EIF4EBP1: variants seen among roughly 807,000 people sequenced by gnomAD.
The protein encoded by EIF4EBP1 is eukaryotic translation initiation factor 4E-binding protein 1.
A neutral mutation model predicts 9.2 loss-of-function variants in EIF4EBP1; 5 were observed. That is an observed-to-expected ratio of 0.54 (90% CI 0.28 to 1.14). The LOEUF is 1.14. Ranked by LOEUF, EIF4EBP1 falls within the 50% of genes most tolerant of loss-of-function variation. The pLI is 0.09. For synonymous variants in EIF4EBP1, 62 were observed against 67.0 expected, an observed-to-expected ratio of 0.93 and a Z score of 0.36; for missense variants, 139 against 169.6, an observed-to-expected ratio of 0.82 and a Z score of 1.00.
At chr8:38,054,880 A>G (rs1394291727) in intron 1 of EIF4EBP1, among the ~76,000 whole-genome samples, 2 of 152,112 alleles carry the variant, frequency 1.3e-5, no homozygotes, top group African/African-American at 4.8e-5. Context: ...AGATGAGGAG[A>G]TGGAGGCCCA....
intron 1 of EIF4EBP1, among the ~76,000 whole-genome samples, chr8:38,056,585 G>A (rs1809597892): frequency 6.6e-6 from 1 of 151,840 alleles, no homozygotes; most frequent in Admixed American, 6.6e-5. Flanking sequence ...CATTCCATGT[G>A]AAGGGGAGTT....
chr8:38,037,380 G>C (rs139013001), intron 1 of EIF4EBP1, among the ~76,000 whole-genome samples: 2 of 152,028 alleles, frequency 1.3e-5, no homozygotes, highest in Middle Eastern at 3.2e-3. Flanking sequence ...GCAGTGGCAT[G>C]ATCTCAGCTC....
intron 1 of EIF4EBP1, among the ~76,000 whole-genome samples, chr8:38,054,587 C>A (rs1809568961): frequency 1.3e-5 from 2 of 152,190 alleles, no homozygotes; most frequent in Non-Finnish European, 2.9e-5. Context: ...TCCACTGAGT[C>A]CCCACCCCGC....
intron 1 of EIF4EBP1, among the ~76,000 whole-genome samples, chr8:38,054,711 A>T (rs777959613): frequency 2.0e-5 from 3 of 151,864 alleles, no homozygotes; most frequent in Non-Finnish European, 4.4e-5. Context: ...ACCAAAACAA[A>T]TCTGGGTCAC....
chr8:38,042,674 C>T (rs905771831), intron 1 of EIF4EBP1, among the ~76,000 whole-genome samples: 19 of 152,264 alleles, frequency 1.2e-4, no homozygotes, highest in African/African-American at 4.6e-4. Flanking sequence ...AGGGCCCCAC[C>T]CTAACAGCCT....
chr8:38,047,705 G>A (rs982619299), intron 1 of EIF4EBP1, among the ~76,000 whole-genome samples: 1 of 152,102 alleles, frequency 6.6e-6, no homozygotes, highest in East Asian at 1.9e-4. Flanking sequence ...GGCTGGTCTC[G>A]AACTCCTGAC....
chr8:38,047,777 G>A (rs1041138738), intron 1 of EIF4EBP1, among the ~76,000 whole-genome samples: 3 of 152,150 alleles, frequency 2.0e-5, no homozygotes, highest in African/African-American at 7.2e-5. Flanking sequence ...GAGCCACTGC[G>A]CCCAGCCTGA....
chr8:38,031,772 G>A (rs1425076937), intron 1 of EIF4EBP1, among the ~76,000 whole-genome samples: 25 of 152,168 alleles, frequency 1.6e-4, no homozygotes. Context: ...CTGTTAGAAC[G>A]GTTAGGGATC....
Position 38,057,242 on chromosome 8 carries a change from G to A in EIF4EBP1, c.307G>A (p.Glu103Lys). 1.2e-6 allele frequency: 2 copies of A among 1,612,370 alleles called. No homozygotes were observed. The highest frequency in any genetic ancestry group is 1.7e-6 in the Non-Finnish European group (2 of 1,178,864). ...ASQSHLRNSP[E>K]DKRAGGEESQ... ...CCAGAGCCACCTGCGCAATAGCCCA[G>A]AAGATAAGCGGGCGGGCGGTGAGTG... Residue 103 changes from glutamate to lysine, a missense_variant, in exon 2 of 3, where the codon GAA becomes AAA. By Grantham distance (56) the Glu-to-Lys change is moderately conservative. Transcript: ENST00000338825.
chr8:38,055,980 CT>C (rs1809589536), intron 1 of EIF4EBP1, among the ~76,000 whole-genome samples: 1 of 152,074 alleles, frequency 6.6e-6, no homozygotes, highest in Non-Finnish European at 1.5e-5. Flanking sequence ...AGAGCCCACC[CT>C]TCACTCCTGC....
chr8:38,048,040 G>A (rs1041019488), intron 1 of EIF4EBP1, among the ~76,000 whole-genome samples: 2 of 152,126 alleles, frequency 1.3e-5, no homozygotes, highest in African/African-American at 4.8e-5. Flanking sequence ...GCTGGGTGCA[G>A]TGGATCACTT....
chr8:38,059,018 A>C (rs912837106), intron 2 of EIF4EBP1, among the ~76,000 whole-genome samples: 12 of 152,210 alleles, frequency 7.9e-5, no homozygotes, highest in African/African-American at 2.9e-4. Flanking sequence ...CAGGAGGTCA[A>C]GGCTGCAGTG....
At chr8:38,046,932 G>A (rs931073158) in intron 1 of EIF4EBP1, among the ~76,000 whole-genome samples, 1 of 152,202 alleles carries the variant, frequency 6.6e-6, no homozygotes, top group African/African-American at 2.4e-5. Context: ...AGGTGTAGGG[G>A]TGCTCCTCTC....
At chr8:38,052,787 A>C (rs1328289302) in intron 1 of EIF4EBP1, among the ~76,000 whole-genome samples, 3 of 151,328 alleles carry the variant, frequency 2.0e-5, no homozygotes, top group Non-Finnish European at 2.9e-5. Context: ...TCCTGGGCTC[A>C]AGTGATCCTC....
chr8:38,032,816 C>T (rs1020623934), intron 1 of EIF4EBP1, among the ~76,000 whole-genome samples: 14 of 152,318 alleles, frequency 9.2e-5, no homozygotes, highest in African/African-American at 2.9e-4. Flanking sequence ...CAAGCCTGGT[C>T]GGCCTCGATT....
rs538960738 is a variant in EIF4EBP1 at position 38,056,028 on chromosome 8, C to CT, written c.146-1043dup. Among the ~76,000 whole-genome samples, 346 of 149,098 alleles carry CT rather than the reference C, an allele frequency of 2.3e-3. 9 individuals carry two copies. In the South Asian group the frequency reaches 0.059, roughly 25 times the overall value. ...CTCCGCAAAGCCCAGGCATTTCTCTCTTTTTTTTTTGGAACTGTCTTTTTG... is the reference window on the plus strand; with the variant it reads ...CTCCGCAAAGCCCAGGCATTTCTCTCTTTTTTTTTTTGGAACTGTCTTTTTG... On this transcript the variant is annotated intron_variant, in intron 1 of 2. Coordinates refer to ENST00000338825, the MANE Select transcript of EIF4EBP1 (RefSeq NM_004095.4).
chr8:38,032,363 AAAC>A (rs746875837), intron 1 of EIF4EBP1, among the ~76,000 whole-genome samples: 7 of 151,986 alleles, frequency 4.6e-5, no homozygotes, highest in South Asian at 2.1e-4. Flanking sequence ...GAAACAAACA[AAAC>A]AACAACAAAA....
intron 1 of EIF4EBP1, among the ~76,000 whole-genome samples, chr8:38,050,014 C>T (rs897419217): frequency 6.6e-6 from 1 of 151,700 alleles, no homozygotes; most frequent in African/African-American, 2.4e-5. Context: ...TGGGTTCAAG[C>T]GGTTCTCGTG....
intron 1 of EIF4EBP1, among the ~76,000 whole-genome samples, chr8:38,032,415 C>T (rs913572318): frequency 7.2e-5 from 11 of 152,154 alleles, no homozygotes; most frequent in Admixed American, 5.9e-4. Flanking sequence ...GCCAGAGGAT[C>T]GCTTGAGCCC....
Sources: gnomAD v4.1 joint callset for allele counts (sites outside exome capture counted in the v4.1 genomes callset) on GRCh38, gnomAD v4.1.1 for gene constraint, MANE v1.5 for transcripts, NCBI Gene and HGNC (gene_info 2026-07-23, HGNC 2026-07-21) for gene names.